IL17RD: variants seen among roughly 807,000 people sequenced by gnomAD.
The protein encoded by IL17RD is interleukin-17 receptor D.
Under a neutral mutation model 80.5 loss-of-function variants are expected in IL17RD, and 52 were observed. The observed-to-expected ratio is 0.65, with a 90% confidence interval of 0.52 to 0.81. IL17RD has a LOEUF of 0.81. IL17RD is among the 40% of genes least tolerant of loss of function. The pLI is 0.00. For missense variants in IL17RD, 1,024 were observed against 955.1 expected, an observed-to-expected ratio of 1.07 and a Z score of -0.95; for synonymous variants, 416 against 391.8, an observed-to-expected ratio of 1.06 and a Z score of -0.73.
rs773593435 is a variant in IL17RD, at chr3:57,165,124, G to C, written c.126+37C>G. The stretch of plus-strand genomic sequence containing the variant: ...CCTGTGCGCGCTGCGTCCCCCGCGA[G>C]TTGGCGACGGCAAGAAACCCGCCGC... On this transcript the variant is annotated intron_variant, in intron 1 of 12. Transcript: ENST00000296318. 2.7e-4 allele frequency: 411 copies of C among 1,495,678 alleles called. No homozygotes were observed. In the Middle Eastern group the frequency reaches 4.6e-3, roughly 17 times the overall value. 92.7% of individuals were successfully genotyped at this position (1,495,678 alleles called of 1,614,324 possible).
intron 1 of IL17RD, among the ~76,000 whole-genome samples, chr3:57,123,277 G>A (rs1707379372): frequency 6.6e-6 from 1 of 152,170 alleles, no homozygotes; most frequent in Admixed American, 6.5e-5. Flanking sequence ...AAGGGGCTCT[G>A]GCCACGTGCA....
chr3:57,115,185 T>C lies in IL17RD; in HGVS notation c.185-368A>G, dbSNP rs145404399. On this transcript the variant is annotated intron_variant, in intron 2 of 12. Coordinates refer to ENST00000296318, the MANE Select transcript of IL17RD (RefSeq NM_017563.5). ...CAATTTTCAGCATTAAAGAGTGATA[T>C]GAAACAAAACAATCGCTAAATAACT... Among the ~76,000 whole-genome samples, 260 of 152,318 alleles carry C rather than the reference T, an allele frequency of 1.7e-3. 2 individuals are homozygous for C. Among genetic ancestry groups the C allele is most frequent in the African/African-American group, 6.1e-3 (255 of 41,566 alleles).
At chr3:57,097,557 G>A in intron 12 of IL17RD, 39 bp downstream of exon 12, 1 of 1,461,620 alleles carries the variant, frequency 6.8e-7, no homozygotes, top group Non-Finnish European at 9.4e-7. Context: ...ATGGTCAAAG[G>A]CTGCGGCCTG....
intron 1 of IL17RD, among the ~76,000 whole-genome samples, chr3:57,156,739 TG>T (rs2060269754): frequency 6.6e-6 from 1 of 152,032 alleles, no homozygotes. Context: ...AACTTCAAGG[TG>T]CCCTGTTATC....
Position 57,096,317 on chromosome 3 carries a change from T to C in IL17RD, c.*76A>G, listed in dbSNP as rs1016618833. On this transcript the variant is annotated 3_prime_UTR_variant, in exon 13 of 13. Transcript: ENST00000296318. ...TGAGACCTCAGCTCCAAGTGGGCCA[T>C]GCAACCAGGGAGATGAGCTGGGGAA... 7 of 989,528 alleles carry C rather than the reference T, an allele frequency of 7.1e-6. No homozygotes were observed. The African/African-American group carries it at 1.1e-4, about 16-fold the overall frequency. 61.3% of individuals were successfully genotyped at this position (989,528 alleles called of 1,614,324 possible).
chr3:57,167,198 ATTT>A (rs200436307), upstream of IL17RD, among the ~76,000 whole-genome samples: 2 of 146,838 alleles, frequency 1.4e-5, no homozygotes, highest in Admixed American at 6.8e-5. Context: ...GCTGGGCAGA[ATTT>A]TTTTTTTTTT....
At chr3:57,153,953 C>T (rs1394355212) in intron 1 of IL17RD, among the ~76,000 whole-genome samples, 1 of 151,928 alleles carries the variant, frequency 6.6e-6, no homozygotes, top group African/African-American at 2.4e-5. Flanking sequence ...TTTCAGAAAA[C>T]GTATGCTCTA....
chr3:57,125,796 T>C (rs974893576), intron 1 of IL17RD, among the ~76,000 whole-genome samples: 2 of 152,108 alleles, frequency 1.3e-5, no homozygotes, highest in African/African-American at 2.4e-5. Flanking sequence ...GTTAAGGGCA[T>C]AGGTTGGATT....
intron 1 of IL17RD, among the ~76,000 whole-genome samples, chr3:57,144,304 CTTCCCTAGCCGCTCACCATCTCTTCCT>C (rs1429105090): frequency 1.3e-5 from 2 of 152,186 alleles, no homozygotes; most frequent in Non-Finnish European, 2.9e-5. Flanking sequence ...TGAGTGACCT[CTTCCCTAGCCGCTCACCATCTCTTCCT>C]TTCCCTAGCC....
At chr3:57,149,426 T>C (rs928766572) in intron 1 of IL17RD, among the ~76,000 whole-genome samples, 1 of 152,190 alleles carries the variant, frequency 6.6e-6, no homozygotes, top group Non-Finnish European at 1.5e-5. Flanking sequence ...CCTGTCCATG[T>C]TTCCATTTTA....
upstream of IL17RD, among the ~76,000 whole-genome samples, chr3:57,166,538 T>A (rs1166921382): frequency 4.4e-5 from 5 of 112,396 alleles, no homozygotes; most frequent in Admixed American, 9.3e-5. Context: ...CAAACAAACC[T>A]ACCACCACCA....
chr3:57,150,354 G>A (rs1251842562), intron 1 of IL17RD: 1 of 152,318 alleles, frequency 6.6e-6, no homozygotes, highest in Non-Finnish European at 1.5e-5. Flanking sequence ...AGGGTGCTTG[G>A]AAGGCAGGGC....
chr3:57,160,817 A>G (rs1363745492), intron 1 of IL17RD, among the ~76,000 whole-genome samples: 1 of 152,206 alleles, frequency 6.6e-6, no homozygotes, highest in Non-Finnish European at 1.5e-5. Context: ...ATTTGTTAAA[A>G]TGCCAATTCC....
intron 1 of IL17RD, among the ~76,000 whole-genome samples, chr3:57,127,999 G>C (rs1707531006): frequency 6.6e-6 from 1 of 152,184 alleles, no homozygotes. Context: ...GAGAATGCTG[G>C]TGAACGCAAA....
Position 57,117,534 on chromosome 3 carries a change from A to T in IL17RD, c.185-2717T>A, listed in dbSNP as rs181233655. The stretch of plus-strand genomic sequence containing the variant: ...GAGGCAGAGAGACTTATAAAATTTA[A>T]TTTTGACTTAATGGCAAGACATTTT... On this transcript the variant is annotated intron_variant, in intron 2 of 12. Coordinates refer to ENST00000296318, the MANE Select transcript of IL17RD (RefSeq NM_017563.5). Among the ~76,000 whole-genome samples the T allele has an allele frequency of 3.1e-3, 469 of 152,372 alleles. 2 individuals are homozygous for T. The highest frequency in any genetic ancestry group is 0.01 in the African/African-American group (435 of 41,582).
chr3:57,108,976 A>C (rs559190117), intron 5 of IL17RD, among the ~76,000 whole-genome samples: 8 of 152,190 alleles, frequency 5.3e-5, no homozygotes, highest in African/African-American at 1.9e-4. Flanking sequence ...TGGTCACAGC[A>C]CCCTCAAAAA....
chr3:57,140,003 TA>T (rs528495418), intron 1 of IL17RD, among the ~76,000 whole-genome samples: 38 of 147,678 alleles, frequency 2.6e-4, no homozygotes, highest in Admixed American at 6.1e-4. Context: ...GTTTAAAACT[TA>T]AAAAAAAAAA....
upstream of IL17RD, among the ~76,000 whole-genome samples, chr3:57,167,848 T>C (rs992072362): frequency 3.3e-5 from 5 of 152,208 alleles, no homozygotes; most frequent in Admixed American, 3.3e-4. Flanking sequence ...TTTTTTTTCT[T>C]TGAGACGAAG....
chr3:57,106,217 A>G, intron 5 of IL17RD, 63 bp from the exon 6 acceptor site: 1 of 1,201,642 alleles, frequency 8.3e-7, no homozygotes, highest in Non-Finnish European at 1.2e-6. Context: ...TCCTCTCCCA[A>G]CAACCCAATG....
Sources: allele counts gnomAD v4.1 joint callset (sites outside exome capture counted in the v4.1 genomes callset), GRCh38; gene constraint gnomAD v4.1.1; transcripts MANE v1.5; gene names NCBI Gene and HGNC (gene_info 2026-07-23, HGNC 2026-07-21).